Variants in SNUPN observed in about 807,000 individuals in gnomAD.
SNUPN encodes the protein snurportin 1.
A neutral mutation model predicts 39.2 loss-of-function variants in SNUPN; 31 were observed. The ratio of observed to expected loss-of-function variants is 0.79; its 90% CI spans 0.59 to 1.07. The LOEUF is 1.07. Among genes scored for constraint, SNUPN ranks in the 50% least tolerant of loss-of-function variants. SNUPN has a pLI of 0.00. For missense variants in SNUPN, 382 were observed against 434.2 expected (o/e 0.88, Z 1.07); for synonymous variants, 132 against 159.0 (o/e 0.83, Z 1.28).
rs571046155 is a variant in SNUPN at position 75,599,847 on chromosome 15, T to G, written c.760-1166A>C. ...CAGTGACTGGGCAGATTTTTTTTTT[T>G]TTTTTTCTTTCTGAGATGGAGTTTC... On this transcript the variant is annotated intron_variant, in intron 8 of 8. Coordinates refer to ENST00000308588, the MANE Select transcript of SNUPN (RefSeq NM_005701.4). Among the ~76,000 whole-genome samples, 1,208 of 151,880 alleles carry G rather than the reference T, an allele frequency of 8.0e-3. 12 individuals carry two copies. Among genetic ancestry groups the G allele is most frequent in the South Asian group, 0.025 (122 of 4,810 alleles).
At position 75,598,112 on chromosome 15, in the gene SNUPN, T is replaced by G; in HGVS notation, c.*246A>C. 2.3e-6 allele frequency: 1 copy of G among 427,558 alleles called. No individual in the cohort carries two copies. 26.5% of individuals were successfully genotyped at this position (427,558 alleles called of 1,614,324 possible). ...TTCTTACAAATCACATATATTTACA[T>G]TGTGGATCTGGGATACACTTATCAC... On this transcript the variant is annotated 3_prime_UTR_variant, in exon 9 of 9. Coordinates refer to ENST00000308588, the MANE Select transcript of SNUPN (RefSeq NM_005701.4).
At chr15:75,615,747 G>A (rs1030145332) in intron 3 of SNUPN, among the ~76,000 whole-genome samples, 5 of 151,536 alleles carry the variant, frequency 3.3e-5, no homozygotes, top group Non-Finnish European at 2.9e-5. Flanking sequence ...GACTACAGGC[G>A]CCTGCCACCA....
chr15:75,623,052 G>A (rs189283773), intron 1 of SNUPN, among the ~76,000 whole-genome samples: 48 of 152,292 alleles, frequency 3.2e-4, no homozygotes, highest in Non-Finnish European at 5.4e-4. Context: ...GTACAGTTCT[G>A]TAAAGTTAAG....
Position 75,617,484 on chromosome 15 carries a change from T to C in SNUPN, c.227A>G (p.Glu76Gly). ...TTCATCATCTTTCTTATTTTCTTCC[T>C]CACTCTCCATCCCTGTCCAGTCATC... is the stretch of plus-strand genomic sequence containing the variant. ...AEDDWTGMES[E>G]EENKKDDEEM... Residue 76 changes from glutamate (E) to glycine (G), a missense_variant, in exon 3 of 9, where the codon GAG becomes GGG. Glu to Gly is a moderately conservative substitution (Grantham distance 98). Transcript: ENST00000308588. 6.2e-7 allele frequency: 1 copy of C among 1,614,078 alleles called. No homozygotes were observed. The highest frequency in any genetic ancestry group is 8.5e-7 in the Non-Finnish European group (1 of 1,179,976).
At chr15:75,598,703 AG>A (rs1241181731) in intron 8 of SNUPN, 22 bp from the exon 9 acceptor site, 1 of 1,564,634 alleles carries the variant, frequency 6.4e-7, no homozygotes. Context: ...GGGGAAATTG[AG>A]GATCAAATGA....
intron 3 of SNUPN, among the ~76,000 whole-genome samples, chr15:75,610,780 C>T (rs553531490): frequency 1.3e-5 from 2 of 152,138 alleles, no homozygotes; most frequent in Non-Finnish European, 1.5e-5. Context: ...TCTTAAAAAA[C>T]GAAACAACGC....
rs570874706 is a variant in SNUPN, at chr15:75,619,909, G to A, written c.158+985C>T. Among the ~76,000 whole-genome samples the A allele has an allele frequency of 4.6e-5, 7 of 151,848 alleles. No homozygotes were observed. In the South Asian group the frequency reaches 1.0e-3, roughly 23 times the overall value. ...GACTACAGGCACGCACCACCATGTCGGGCTAATTTTTGTATTTTTAGTAGA... is the reference window on the plus strand; with the variant it reads ...GACTACAGGCACGCACCACCATGTCAGGCTAATTTTTGTATTTTTAGTAGA... On this transcript the variant is annotated intron_variant, in intron 2 of 8. Transcript: ENST00000308588.
rs1022081948 is a variant in SNUPN, at chr15:75,607,219, G to C, written c.597C>G (p.Cys199Trp). ...CGAGAGGAGGATCCATCCCTACCTG[G>C]CAATCATAAAAAGGGTGTCCCCGCC... ...MCWRGHPFYDCQTDFRFYWMH... is the reference protein window; with the variant it reads ...MCWRGHPFYDWQTDFRFYWMH... Residue 199 changes from cysteine (C) to tryptophan (W), a missense_variant, in exon 6 of 9, where the codon TGC becomes TGG. Transcript: ENST00000308588. 2 of 1,609,806 alleles carry C rather than the reference G, an allele frequency of 1.2e-6. No individual in the cohort carries two copies. The highest frequency in any genetic ancestry group is 1.7e-6 in the Non-Finnish European group (2 of 1,176,196).
rs1347941477 is a variant in SNUPN at position 75,607,286 on chromosome 15, T to C, written c.530A>G (p.Asn177Ser). ...AACGTAGTAGGTCTGGTTTACCTCA[T>C]TGTAAATGCAATCTAGAATGGTGTA... ...KDYTILDCIY[N>S]EVNQTYYVLD... The change falls in exon 6 of 9, where the codon AAT becomes AGT. Residue 177 changes from asparagine (N) to serine (S), a missense_variant. Asn to Ser is a conservative substitution (Grantham distance 46). Transcript: ENST00000308588. 2.5e-6 allele frequency: 4 copies of C among 1,613,458 alleles called. No individual in the cohort carries two copies. Among genetic ancestry groups the C allele is most frequent in the African/African-American group, 1.3e-5 (1 of 75,032 alleles).
At position 75,609,994 on chromosome 15, in the gene SNUPN, A is replaced by G. The variant is rs374954374; in HGVS notation, c.304T>C (p.Leu102=). The change falls in exon 4 of 9, where the codon TTG becomes CTG. Residue 102 remains leucine (L), a splice_region_variant and synonymous_variant. Coordinates refer to ENST00000308588, the MANE Select transcript of SNUPN (RefSeq NM_005701.4). The part of the protein sequence containing the change: ...KKLPKHYANQ[L]MLSEWLIDVP... ...TCAATTAACCACTCAGAAAGCATCA[A>G]CTGGAAATGCAAAAAATAGTGTTAA... is the stretch of plus-strand genomic sequence containing the variant. 4.3e-6 allele frequency: 7 copies of G among 1,612,362 alleles called. No individual in the cohort carries two copies. The African/African-American group carries it at 5.3e-5, about 12-fold the overall frequency.
At chr15:75,611,884 T>C (rs749753364) in intron 3 of SNUPN, among the ~76,000 whole-genome samples, 6 of 152,092 alleles carry the variant, frequency 3.9e-5, no homozygotes, top group Non-Finnish European at 8.8e-5. Flanking sequence ...TCAGCATTTC[T>C]GTTGAGCTAC....
intron 6 of SNUPN, 65 bp downstream of exon 6, chr15:75,607,151 T>C: frequency 8.4e-7 from 1 of 1,191,708 alleles, no homozygotes. Flanking sequence ...ACCCACATGC[T>C]GAGCCGCTTT....
At chr15:75,600,260 G>GGCT (rs1056934451) in intron 8 of SNUPN, among the ~76,000 whole-genome samples, 6 of 151,766 alleles carry the variant, frequency 4.0e-5, no homozygotes, top group Admixed American at 3.3e-4. Context: ...GAGCCTCTGG[G>GGCT]GCTGTGAGGT....
At chr15:75,602,637 G>A (rs139436745) in intron 7 of SNUPN, among the ~76,000 whole-genome samples, 4,278 of 151,712 alleles carry the variant, frequency 0.028, 96 homozygotes, top group Non-Finnish European at 0.047. Context: ...ACAGAGTTGC[G>A]CTCTTTCACC....
In SNUPN at chr15:75,598,102, T is replaced by C; in HGVS notation, c.*256A>G. 2.5e-6 allele frequency: 1 copy of C among 394,974 alleles called. No homozygotes were observed. Among genetic ancestry groups the C allele is most frequent in the Non-Finnish European group, 4.5e-6 (1 of 221,184 alleles). 24.5% of individuals were successfully genotyped at this position (394,974 alleles called of 1,614,324 possible). A position where few individuals can be genotyped will look rare whatever the true frequency, so the allele number is the denominator to read the frequency against. ...AACCAGTTCTTTCTTACAAATCACA[T>C]ATATTTACATTGTGGATCTGGGATA... On this transcript the variant is annotated 3_prime_UTR_variant, in exon 9 of 9. Transcript: ENST00000308588.
intron 3 of SNUPN, 52 bp downstream of exon 3, chr15:75,617,356 C>T: frequency 3.8e-6 from 6 of 1,575,650 alleles, no homozygotes; most frequent in South Asian, 1.2e-5. Context: ...GCTTTGACTG[C>T]ATAGTAAAGG....
intron 1 of SNUPN, among the ~76,000 whole-genome samples, chr15:75,623,126 G>A (rs1893114766): frequency 6.6e-6 from 1 of 150,888 alleles, no homozygotes; most frequent in African/African-American, 2.5e-5. Flanking sequence ...CTGAACCTCT[G>A]TAACCTTTAA....
chr15:75,598,815 C>A, intron 8 of SNUPN, 134 bp from the exon 9 acceptor site: 1 of 607,798 alleles, frequency 1.6e-6, no homozygotes, highest in Non-Finnish European at 2.8e-6. Flanking sequence ...AGAGTCCCAG[C>A]TTCTCACACA....
At chr15:75,614,004 A>C (rs1432886345) in intron 3 of SNUPN, among the ~76,000 whole-genome samples, 1 of 152,130 alleles carries the variant, frequency 6.6e-6, no homozygotes, top group Admixed American at 6.6e-5. Context: ...TAATGGCATT[A>C]TTTGGCTGGG....
Sources: allele counts gnomAD v4.1 joint callset (sites outside exome capture counted in the v4.1 genomes callset), GRCh38; gene constraint gnomAD v4.1.1; transcripts MANE v1.5; gene names NCBI Gene and HGNC (gene_info 2026-07-23, HGNC 2026-07-21).